The following ABCC5 variants were observed in gnomAD, a reference collection of about 807,000 sequenced individuals.
ABCC5 encodes ATP binding cassette subfamily C member 5, also known as ATP-binding cassette sub-family C member 5.
In ABCC5, 61 loss-of-function variants were observed where a neutral mutation model predicts 160.9. The ratio of observed to expected loss-of-function variants is 0.38; its 90% CI spans 0.31 to 0.47. The LOEUF (loss-of-function observed/expected upper bound fraction) is 0.47, where lower values mean the gene tolerates loss of function less well. ABCC5 is among the 20% of genes least tolerant of loss of function. The probability of loss-of-function intolerance (pLI) is 0.99; values close to 1 mark genes in which losing one functional copy is unlikely to be tolerated. For missense variants in ABCC5, 1,308 were observed against 1,813.3 expected, an observed-to-expected ratio of 0.72 and a Z score of 5.06; for synonymous variants, 666 against 700.6, an observed-to-expected ratio of 0.95 and a Z score of 0.78.
At chr3:184,011,031 C>A (rs1197035296) in intron 2 of ABCC5, among the ~76,000 whole-genome samples, 3 of 151,930 alleles carry the variant, frequency 2.0e-5, no homozygotes, top group African/African-American at 4.8e-5. Context: ...CGTGAGCCAC[C>A]GTGCCCGGCC....
intron 2 of ABCC5, among the ~76,000 whole-genome samples, chr3:184,005,668 T>C (rs1193382227): frequency 6.6e-6 from 1 of 151,078 alleles, no homozygotes; most frequent in Admixed American, 6.6e-5. Context: ...CATTAGGAGA[T>C]ATACCTAATG....
intron 26 of ABCC5, among the ~76,000 whole-genome samples, chr3:183,933,492 C>G (rs1390414646): frequency 6.6e-6 from 1 of 152,056 alleles, no homozygotes; most frequent in Non-Finnish European, 1.5e-5. Context: ...GTGGGGAAAG[C>G]TAGGGCCATG....
chr3:183,977,461 C>T (rs1718317903), intron 10 of ABCC5, 56 bp downstream of exon 10: 4 of 1,333,640 alleles, frequency 3.0e-6, no homozygotes, highest in Non-Finnish European at 4.3e-6. Context: ...ACAGAGCCAG[C>T]AGTTAGTTGT....
chr3:183,929,682 G>A (rs1462175459), intron 26 of ABCC5, among the ~76,000 whole-genome samples: 1 of 152,126 alleles, frequency 6.6e-6, no homozygotes, highest in Non-Finnish European at 1.5e-5. Context: ...GACCATTTTT[G>A]CTTACTGTGC....
chr3:183,988,481 T>C lies in ABCC5; in HGVS notation c.443+91A>G. 6.7e-7 allele frequency: 1 copy of C among 1,496,518 alleles called. No homozygotes were observed. The highest frequency in any genetic ancestry group is 1.3e-5 in the South Asian group (1 of 74,102). The allele number at this position is 1,496,518 out of a possible 1,614,324, so 92.7% of individuals were successfully genotyped here. A position where few individuals can be genotyped will look rare whatever the true frequency, so the allele number is the denominator to read the frequency against. On this transcript the variant is annotated intron_variant, in intron 4 of 29. Coordinates refer to ENST00000334444, the MANE Select transcript of ABCC5 (RefSeq NM_005688.4). The surrounding 1 kb of genome is among the most constrained non-coding windows in gnomAD (Gnocchi z 4.4). ...CGCCCTCCACTGGACAGCTCGGCTC[T>C]TTAAAGACACAGAGCTGTGGACTTC...
At chr3:183,997,509 A>C (rs953401797) in intron 2 of ABCC5, among the ~76,000 whole-genome samples, 25 of 151,974 alleles carry the variant, frequency 1.6e-4, no homozygotes, top group African/African-American at 2.2e-4. Context: ...CGGGGAACTT[A>C]CTTCCTTCCT....
chr3:183,982,516 C>T lies in ABCC5; in HGVS notation c.934G>A (p.Val312Ile), dbSNP rs1391804394. Residue 312 changes from valine (V) to isoleucine (I), a missense_variant, in exon 7 of 30, where the codon GTA becomes ATA. Val to Ile is a conservative substitution (Grantham distance 29, BLOSUM62 3). Coordinates refer to ENST00000334444, the MANE Select transcript of ABCC5 (RefSeq NM_005688.4). This position sits in a 1 kb window ranked among gnomAD's most constrained non-coding sequence, Gnocchi z 5.2. ...VVAILGMIYNVIILGPTGFLG... is the reference protein window; with the variant it reads ...VVAILGMIYNIIILGPTGFLG... The stretch of plus-strand genomic sequence containing the variant: ...AAGCCTGTTGGTCCCAGAATAATTA[C>T]ATTATAAATCATGCCTAAGATGGCA... 1.9e-6 allele frequency: 3 copies of T among 1,614,164 alleles called. No individual in the cohort carries two copies. Among genetic ancestry groups the T allele is most frequent in the Admixed American group, 1.7e-5 (1 of 60,018 alleles).
chr3:183,939,933 C>T (rs1714127533), intron 25 of ABCC5, among the ~76,000 whole-genome samples: 1 of 152,186 alleles, frequency 6.6e-6, no homozygotes, highest in Admixed American at 6.5e-5. Flanking sequence ...GTCTCTTCAG[C>T]ACTCATGGAG....
Position 183,978,557 on chromosome 3 carries a change from G to T in ABCC5, c.1242C>A (p.Ser414Arg). 1 of 1,614,156 alleles carries T rather than the reference G, an allele frequency of 6.2e-7. No homozygotes were observed. The highest frequency in any genetic ancestry group is 8.5e-7 in the Non-Finnish European group (1 of 1,180,018). The change falls in exon 9 of 30, where the codon AGC (serine) becomes AGA (arginine). Residue 414 changes from serine (S) to arginine (R), a missense_variant. This residue lies in a region of ABCC5 where 1,142 missense variants were observed against 1,527.1 expected (regional missense o/e 0.75). Transcript: ENST00000334444. The stretch of plus-strand genomic sequence containing the variant: ...TCATATGAACAGAGAAGGTCACCAC[G>T]CTGGCAATCACCACCACAATGGGAG... ...GVAPIVVVIA[S>R]VVTFSVHMTL...
At chr3:183,978,059 T>G (rs1718379821) in intron 9 of ABCC5, among the ~76,000 whole-genome samples, 1 of 152,210 alleles carries the variant, frequency 6.6e-6, no homozygotes, top group African/African-American at 2.4e-5. Context: ...GGCCACATTT[T>G]TTTTTAAGTA....
At chr3:183,975,873 G>A (rs571150039) in intron 10 of ABCC5, among the ~76,000 whole-genome samples, 1 of 152,250 alleles carries the variant, frequency 6.6e-6, no homozygotes, top group African/African-American at 2.4e-5. Flanking sequence ...CTAATAAGCA[G>A]GAGATGAGAG....
intron 28 of ABCC5, among the ~76,000 whole-genome samples, chr3:183,926,638 CT>C (rs1265728934): frequency 6.6e-6 from 1 of 152,180 alleles, no homozygotes; most frequent in Non-Finnish European, 1.5e-5. Flanking sequence ...ACAATTAATT[CT>C]TTTTTTCCCT....
chr3:184,017,261 T>A lies in ABCC5; in HGVS notation c.-56+569A>T, dbSNP rs1181016597. 1 of 152,304 alleles carries A rather than the reference T, an allele frequency of 6.6e-6. No individual in the cohort carries two copies. Among genetic ancestry groups the A allele is most frequent in the Non-Finnish European group, 1.5e-5 (1 of 68,114 alleles). The allele number at this position is 152,304 out of a possible 1,614,324, so 9.4% of individuals were successfully genotyped here. A position where few individuals can be genotyped will look rare whatever the true frequency, so the allele number is the denominator to read the frequency against. ...TGGATGACCGTGGAGAGATCTGGGCTGCGTTCCCGGCACAGCCACGGCTTT... is the reference window on the plus strand; with the variant it reads ...TGGATGACCGTGGAGAGATCTGGGCAGCGTTCCCGGCACAGCCACGGCTTT... On this transcript the variant is annotated intron_variant, in intron 1 of 29. Coordinates refer to ENST00000334444, the MANE Select transcript of ABCC5 (RefSeq NM_005688.4). This position sits in a 1 kb window ranked among gnomAD's most constrained non-coding sequence, Gnocchi z 4.5.
chr3:183,965,858 C>G (rs1436442164), intron 12 of ABCC5, among the ~76,000 whole-genome samples: 5 of 152,084 alleles, frequency 3.3e-5, no homozygotes, highest in Admixed American at 3.3e-4. Context: ...ATCCCTGCCT[C>G]AACATGGGGG....
chr3:183,978,521 G>C lies in ABCC5; in HGVS notation c.1278C>G (p.Phe426Leu), dbSNP rs375709303. 1 of 1,613,836 alleles carries C rather than the reference G, an allele frequency of 6.2e-7. No homozygotes were observed. Among genetic ancestry groups the C allele is most frequent in the East Asian group, 2.2e-5 (1 of 44,866 alleles). Residue 426 changes from phenylalanine (F) to leucine (L), a missense_variant, in exon 9 of 30, where the codon TTC becomes TTG. Around this residue, in one of 3 missense-constraint regions of ABCC5, gnomAD observed 1,142 missense variants for 1,527.1 expected, o/e 0.75. Coordinates refer to ENST00000334444, the MANE Select transcript of ABCC5 (RefSeq NM_005688.4). ...VTFSVHMTLG[F>L]DLTAAQAFTV... The stretch of plus-strand genomic sequence containing the variant: ...CCCTGACCTGTGCTGCTGTCAGATC[G>C]AAGCCCAGGGTCATATGAACAGAGA...
In ABCC5 at chr3:183,953,420, T is replaced by C. The variant is rs73046560; in HGVS notation, c.2483-150A>G. The stretch of plus-strand genomic sequence containing the variant: ...TTTGTCAGAAGCATTCATTCATCTA[T>C]TTAACATTTACTGAGCACCTACCAC... On this transcript the variant is annotated intron_variant, in intron 17 of 29. Transcript: ENST00000334444. The C allele has an allele frequency of 1.9e-3, 1,287 of 687,220 alleles. 16 individuals are homozygous for C. In the African/African-American group the frequency reaches 0.02, roughly 11 times the overall value. 42.6% of individuals were successfully genotyped at this position (687,220 alleles called of 1,614,324 possible).
chr3:183,984,871 G>A, intron 5 of ABCC5: 1 of 1,582,700 alleles, frequency 6.3e-7, no homozygotes, highest in Non-Finnish European at 8.5e-7. Flanking sequence ...CCTCGGCACT[G>A]ATGGAGCAGT....
At chr3:183,966,572 C>T (rs1717233784) in intron 12 of ABCC5, among the ~76,000 whole-genome samples, 3 of 152,140 alleles carry the variant, frequency 2.0e-5, no homozygotes, top group South Asian at 2.1e-4. Flanking sequence ...GCAGCACTTA[C>T]GAATTGACCT....
intron 2 of ABCC5, among the ~76,000 whole-genome samples, chr3:184,013,075 T>C (rs1721890824): frequency 6.6e-6 from 1 of 152,190 alleles, no homozygotes. Flanking sequence ...CTTTTTTTCC[T>C]CAGGAAAAAG....
Sources: gnomAD v4.1 joint callset for allele counts (sites outside exome capture counted in the v4.1 genomes callset) on GRCh38, gnomAD v4.1.1 for gene constraint, gnomAD v4.1.1 regional missense constraint, Gnocchi (gnomAD v3.1) non-coding constraint, MANE v1.5 for transcripts, NCBI Gene and HGNC (gene_info 2026-07-23, HGNC 2026-07-21) for gene names.